The following ZAR1 variants were observed in gnomAD, a reference collection of about 807,000 sequenced individuals.
ZAR1 encodes the protein zygote arrest protein 1.
A neutral mutation model predicts 38.3 loss-of-function variants in ZAR1; 37 were observed. The ratio of observed to expected loss-of-function variants is 0.97; its 90% CI spans 0.74 to 1.27. The LOEUF is 1.27. Among genes scored for constraint, ZAR1 ranks in the 50% most tolerant of loss-of-function variants. ZAR1 has a pLI of 0.00. For missense variants in ZAR1, 651 were observed against 632.4 expected (o/e 1.03, Z -0.32); for synonymous variants, 336 against 292.0 (o/e 1.15, Z -1.53).
chr4:48,492,649 C>T (rs1365351727), intron 1 of ZAR1, 117 bp from the exon 2 acceptor site: 1 of 975,604 alleles, frequency 1.0e-6, no homozygotes, highest in Non-Finnish European at 1.6e-6. Context: ...ACCTGACCTG[C>T]TTTCTTTCAT....
At chr4:48,494,007 A>C (rs1048173390) in intron 3 of ZAR1, 94 bp from the exon 4 acceptor site, 3 of 1,451,996 alleles carry the variant, frequency 2.1e-6, no homozygotes, top group Admixed American at 4.5e-5. Flanking sequence ...GAGCACATTC[A>C]TTAAGTACTT....
At chr4:48,495,018 CTT>C (rs539846997), downstream of ZAR1, among the ~76,000 whole-genome samples, 1 of 149,400 alleles carries the variant, frequency 6.7e-6, no homozygotes, top group Non-Finnish European at 1.5e-5. Flanking sequence ...TCTTCAAAGC[CTT>C]TTTTTTTTCT....
chr4:48,494,337 A>C lies in ZAR1; in HGVS notation c.*93A>C. The C allele has an allele frequency of 1.3e-6, 2 of 1,499,856 alleles. No homozygotes were observed. The highest frequency in any genetic ancestry group is 1.2e-5 in the South Asian group (1 of 86,438). The allele number at this position is 1,499,856 out of a possible 1,614,324, so 92.9% of individuals were successfully genotyped here. ...CACCTCTCCCTTCTCAAAATACTTC[A>C]TGAAAGGCAGTGTATTCTGAAAAAG... is the stretch of plus-strand genomic sequence containing the variant. On this transcript the variant is annotated 3_prime_UTR_variant, in exon 4 of 4. Coordinates refer to ENST00000327939, the MANE Select transcript of ZAR1 (RefSeq NM_175619.3).
downstream of ZAR1, among the ~76,000 whole-genome samples, chr4:48,495,957 TG>T (rs1353991014): frequency 6.6e-6 from 1 of 152,074 alleles, no homozygotes; most frequent in Non-Finnish European, 1.5e-5. Flanking sequence ...ATTAGGAGGA[TG>T]GTCTCTACTG....
chr4:48,490,915 G>A lies in ZAR1; in HGVS notation c.624G>A (p.Ala208=), dbSNP rs781719259. 1 of 1,357,682 alleles carries A rather than the reference G, an allele frequency of 7.4e-7. No individual in the cohort carries two copies. Among genetic ancestry groups the A allele is most frequent in the Non-Finnish European group, 9.4e-7 (1 of 1,059,934 alleles). 84.1% of individuals were successfully genotyped at this position (1,357,682 alleles called of 1,614,324 possible). The stretch of plus-strand genomic sequence containing the variant: ...CGGCGGGCGAGCAGAGGTCCGGGGC[G>A]TCGGACGGAGAGAGGGGGCCGCCGC... ...GPAAGEQRSG[A]SDGERGPPPA... Residue 208 remains alanine, a synonymous_variant, in exon 1 of 4, where the codon GCG becomes GCA. Transcript: ENST00000327939.
downstream of ZAR1, among the ~76,000 whole-genome samples, chr4:48,497,110 G>A (rs1179246325): frequency 6.6e-5 from 10 of 152,102 alleles, no homozygotes; most frequent in African/African-American, 1.9e-4. Flanking sequence ...AGAAACTGCC[G>A]GATTGCTGCT....
At chr4:48,493,037 T>G in intron 3 of ZAR1, 25 bp downstream of exon 3, 3 of 1,611,706 alleles carry the variant, frequency 1.9e-6, no homozygotes, top group Non-Finnish European at 2.5e-6. Flanking sequence ...TTGCATTTTG[T>G]CTGACCTGGG....
Position 48,490,918 on chromosome 4 carries a change from G to C in ZAR1, c.627G>C (p.Ser209=). 7.4e-7 allele frequency: 1 copy of C among 1,351,928 alleles called. No homozygotes were observed. 83.7% of individuals were successfully genotyped at this position (1,351,928 alleles called of 1,614,324 possible). Residue 209 remains serine, a synonymous_variant, in exon 1 of 4, where the codon TCG becomes TCC. Coordinates refer to ENST00000327939, the MANE Select transcript of ZAR1 (RefSeq NM_175619.3). The part of the protein sequence containing the change: ...PAAGEQRSGA[S]DGERGPPPAR... ...CGGGCGAGCAGAGGTCCGGGGCGTC[G>C]GACGGAGAGAGGGGGCCGCCGCCCG...
chr4:48,493,538 T>A (rs1426144281), intron 3 of ZAR1, among the ~76,000 whole-genome samples: 2 of 152,272 alleles, frequency 1.3e-5, no homozygotes, highest in Non-Finnish European at 2.9e-5. Context: ...TTGCTTGCTA[T>A]TAACTGTGCT....
At chr4:48,493,472 G>A (rs1026661256) in intron 3 of ZAR1, among the ~76,000 whole-genome samples, 3 of 152,198 alleles carry the variant, frequency 2.0e-5, no homozygotes, top group African/African-American at 7.2e-5. Context: ...TAGCTTTATG[G>A]GGAGTTGACT....
intron 1 of ZAR1, 43 bp downstream of exon 1, chr4:48,491,297 C>G (rs367871983): frequency 1.6e-6 from 2 of 1,216,650 alleles, no homozygotes; most frequent in Admixed American, 4.2e-5. Context: ...CCCGGGGGTG[C>G]GGGTGTCTTC....
chr4:48,495,010 T>C (rs1176908893), downstream of ZAR1, among the ~76,000 whole-genome samples: 3 of 152,166 alleles, frequency 2.0e-5, no homozygotes, highest in Non-Finnish European at 4.4e-5. Flanking sequence ...TTTGTGTTTC[T>C]TCAAAGCCTT....
rs1249949249 is a variant in ZAR1 at position 48,490,753 on chromosome 4, G to A, written c.462G>A (p.Gln154=). 7.0e-7 allele frequency: 1 copy of A among 1,428,378 alleles called. No individual in the cohort carries two copies. The allele number at this position is 1,428,378 out of a possible 1,614,324, so 88.5% of individuals were successfully genotyped here. ...CGGGTGGCGGCTCTTTCTCCCAGCA[G>A]CCATCCCGTCGAGGCCTGGAGCAGG... ...GTTGGGSFSQ[Q]PSRRGLEQGS... The change falls in exon 1 of 4, where the codon CAG becomes CAA. Residue 154 remains glutamine, a synonymous_variant. Coordinates refer to ENST00000327939, the MANE Select transcript of ZAR1 (RefSeq NM_175619.3).
downstream of ZAR1, among the ~76,000 whole-genome samples, chr4:48,496,134 T>C (rs913943715): frequency 8.5e-5 from 13 of 152,084 alleles, no homozygotes; most frequent in Non-Finnish European, 1.8e-4. Context: ...TAGTGGGGCA[T>C]GGTGGCATAT....
chr4:48,493,685 C>T (rs1428745262), intron 3 of ZAR1, among the ~76,000 whole-genome samples: 1 of 152,194 alleles, frequency 6.6e-6, no homozygotes, highest in African/African-American at 2.4e-5. Context: ...AAAGCATTAA[C>T]ACCCTGGGGT....
At chr4:48,493,646 C>G (rs545836781) in intron 3 of ZAR1, among the ~76,000 whole-genome samples, 32 of 152,288 alleles carry the variant, frequency 2.1e-4, no homozygotes, top group Non-Finnish European at 3.1e-4. Context: ...ACAGCCTAAT[C>G]AATACACTTG....
In ZAR1 at chr4:48,494,114, C is replaced by T. The variant is rs149279464; in HGVS notation, c.1145C>T (p.Thr382Met). ...TTTTTCCCCCAGAGTTGTAAACAAA[C>T]GAGATGTTCCTGCCCAGTAAAACTT... is the stretch of plus-strand genomic sequence containing the variant. ...EDITCQSCKQTRCSCPVKLRH... is the reference protein window; with the variant it reads ...EDITCQSCKQMRCSCPVKLRH... The change falls in exon 4 of 4, where the codon ACG (threonine) becomes ATG (methionine). Residue 382 changes from threonine to methionine, a missense_variant. Thr to Met is a moderately conservative substitution (Grantham distance 81). Transcript: ENST00000327939. 11 of 1,613,502 alleles carry T rather than the reference C, an allele frequency of 6.8e-6. No individual in the cohort carries two copies. Among genetic ancestry groups the T allele is most frequent in the Admixed American group, 5.0e-5 (3 of 59,978 alleles).
At position 48,490,448 on chromosome 4, in the gene ZAR1, C is replaced by G; in HGVS notation, c.157C>G (p.Pro53Ala). 1 of 1,466,262 alleles carries G rather than the reference C, an allele frequency of 6.8e-7. No homozygotes were observed. The highest frequency in any genetic ancestry group is 1.3e-5 in the South Asian group (1 of 75,302). 90.8% of individuals were successfully genotyped at this position (1,466,262 alleles called of 1,614,324 possible). Residue 53 changes from proline to alanine, a missense_variant, in exon 1 of 4, where the codon CCC (proline) becomes GCC (alanine). Around this residue, in one of 2 missense-constraint regions of ZAR1, gnomAD observed 522 missense variants for 459.9 expected, o/e 1.14. Transcript: ENST00000327939. ...CAGGGGCTGCCTTCCCGCCTCCTCC[C>G]CCTGCTCGGCGGGCGCGGCCTCGTT... is the stretch of plus-strand genomic sequence containing the variant. ...RGRGCLPASS[P>A]CSAGAASLSF...
downstream of ZAR1, among the ~76,000 whole-genome samples, chr4:48,495,534 C>T (rs1475095007): frequency 1.3e-5 from 2 of 152,172 alleles, no homozygotes; most frequent in South Asian, 2.1e-4. Flanking sequence ...TTAATAGGCG[C>T]CCCAGCTGTT....
Sources: allele counts gnomAD v4.1 joint callset (sites outside exome capture counted in the v4.1 genomes callset), GRCh38; gene constraint gnomAD v4.1.1; regional missense constraint gnomAD v4.1.1; transcripts MANE v1.5; gene names NCBI Gene and HGNC (gene_info 2026-07-23, HGNC 2026-07-21).